Variants in SUPT5H observed in about 807,000 individuals in gnomAD.
SUPT5H encodes transcription elongation factor SPT5.
In SUPT5H, 24 loss-of-function variants were observed where a neutral mutation model predicts 142.5. The observed-to-expected ratio is 0.17, with a 90% confidence interval of 0.12 to 0.24. The LOEUF is 0.24. Among genes scored for constraint, SUPT5H ranks in the 10% least tolerant of loss-of-function variants. The probability of loss-of-function intolerance (pLI) is 1.00; values close to 1 mark genes in which losing one functional copy is unlikely to be tolerated. For synonymous variants in SUPT5H, 546 were observed against 553.0 expected (o/e 0.99, Z 0.18); for missense variants, 893 against 1,471.8 (o/e 0.61, Z 6.43).
chr19:39,472,616 C>A lies in SUPT5H; in HGVS notation c.2035+123C>A. On this transcript the variant is annotated intron_variant, in intron 21 of 29. Transcript: ENST00000432763. This position sits in a 1 kb window ranked among gnomAD's most constrained non-coding sequence, Gnocchi z 4.2. Reference sequence around the variant, plus strand: ...GGCACTGCTATTAGGGGTTCACCACCCACAGGAGGGTAGACGCCACAGTGA... The same window carrying A: ...GGCACTGCTATTAGGGGTTCACCACACACAGGAGGGTAGACGCCACAGTGA... 1 of 1,383,652 alleles carries A rather than the reference C, an allele frequency of 7.2e-7. No individual in the cohort carries two copies. Among genetic ancestry groups the A allele is most frequent in the Non-Finnish European group, 9.9e-7 (1 of 1,011,790 alleles). The allele number at this position is 1,383,652 out of a possible 1,614,324, so 85.7% of individuals were successfully genotyped here.
Position 39,458,099 on chromosome 19 carries a change from G to A in SUPT5H, c.308-195G>A. The A allele has an allele frequency of 1.5e-5, 14 of 939,922 alleles. No homozygotes were observed. The highest frequency in any genetic ancestry group is 2.0e-5 in the Non-Finnish European group (13 of 641,812). The allele number at this position is 939,922 out of a possible 1,614,324, so 58.2% of individuals were successfully genotyped here. ...CCGTTCTGTGCGCCTCATACATTTCGGCTTCTCCCCAACCACCTGGTGCCT... is the reference window on the plus strand; with the variant it reads ...CCGTTCTGTGCGCCTCATACATTTCAGCTTCTCCCCAACCACCTGGTGCCT... On this transcript the variant is annotated intron_variant, in intron 4 of 29. Transcript: ENST00000432763. The surrounding 1 kb of genome is among the most constrained non-coding windows in gnomAD (Gnocchi z 4.2).
At chr19:39,450,912 CATT>C (rs2079013169) in intron 2 of SUPT5H, among the ~76,000 whole-genome samples, 1 of 152,124 alleles carries the variant, frequency 6.6e-6, no homozygotes, top group Non-Finnish European at 1.5e-5. Flanking sequence ...GTCTTAATAA[CATT>C]GTTTTGCTTT....
rs540447671 is a variant in SUPT5H, at chr19:39,473,918, C to T, written c.2493-45C>T. 35 of 1,612,806 alleles carry T rather than the reference C, an allele frequency of 2.2e-5. No homozygotes were observed. The Middle Eastern group carries it at 5.0e-4, about 23-fold the overall frequency. On this transcript the variant is annotated intron_variant, in intron 25 of 29. Coordinates refer to ENST00000432763, the MANE Select transcript of SUPT5H (RefSeq NM_001111020.3). The surrounding 1 kb of genome is among the most constrained non-coding windows in gnomAD (Gnocchi z 5.8). ...AGGGTGCTGTTCTGGAAGCATCCAT[C>T]GCATTATCACCACAGTCGCTGTCAA...
chr19:39,447,680 A>G (rs2078970860), intron 2 of SUPT5H, among the ~76,000 whole-genome samples: 1 of 152,062 alleles, frequency 6.6e-6, no homozygotes, highest in South Asian at 2.1e-4. Flanking sequence ...TGGCCTCCCA[A>G]AGTACTGGGA....
intron 10 of SUPT5H, among the ~76,000 whole-genome samples, chr19:39,460,684 G>A (rs1484420613): frequency 1.3e-5 from 2 of 152,060 alleles, no homozygotes; most frequent in African/African-American, 2.4e-5. Context: ...GCGGTGAGCC[G>A]AGATCGCATC....
chr19:39,475,828 G>A, intron 28 of SUPT5H: 21 of 519,480 alleles, frequency 4.0e-5, no homozygotes, highest in South Asian at 2.0e-4. Context: ...TTTGGGACAT[G>A]AAGAGTCAAG....
At chr19:39,460,173 G>A (rs2146097486) in intron 10 of SUPT5H, 2 of 572,714 alleles carry the variant, frequency 3.5e-6, no homozygotes, top group East Asian at 6.0e-5. Context: ...TTATGGCAGG[G>A]TCTTCCCACC....
chr19:39,466,574 T>C lies in SUPT5H; in HGVS notation c.966+5T>C. 1 of 1,612,608 alleles carries C rather than the reference T, an allele frequency of 6.2e-7. No homozygotes were observed. The highest frequency in any genetic ancestry group is 8.5e-7 in the Non-Finnish European group (1 of 1,179,376). ...ATCAAGGCCCGCATGAGCTTGGTAC[T>C]CAGGGGAATCTGTGGCCTGGGGGGG... On this transcript the variant is annotated splice_donor_5th_base_variant and intron_variant, in intron 12 of 29. Transcript: ENST00000432763. The surrounding 1 kb of genome is among the most constrained non-coding windows in gnomAD (Gnocchi z 4.3).
rs1356199007 is a variant in SUPT5H at position 39,473,647 on chromosome 19, T to A, written c.2492+126T>A. 1.4e-5 allele frequency: 16 copies of A among 1,175,306 alleles called. No individual in the cohort carries two copies. The highest frequency in any genetic ancestry group is 1.6e-5 in the Non-Finnish European group (14 of 849,192). The allele number at this position is 1,175,306 out of a possible 1,614,324, so 72.8% of individuals were successfully genotyped here. On this transcript the variant is annotated intron_variant, in intron 25 of 29. Transcript: ENST00000432763. This position sits in a 1 kb window ranked among gnomAD's most constrained non-coding sequence, Gnocchi z 5.8. ...TTCTCTGCTCCTAGCCTCAGGCTGGTCCCTTTGAAGGAGGAGGCATAGCAT... is the reference window on the plus strand; with the variant it reads ...TTCTCTGCTCCTAGCCTCAGGCTGGACCCTTTGAAGGAGGAGGCATAGCAT...
intron 2 of SUPT5H, among the ~76,000 whole-genome samples, chr19:39,449,705 G>C (rs545038182): frequency 1.3e-5 from 2 of 151,144 alleles, no homozygotes; most frequent in Middle Eastern, 3.4e-3. Flanking sequence ...GCAGTGGCAC[G>C]ATCTCAGCTC....
chr19:39,462,834 A>ATTT, intron 10 of SUPT5H, among the ~76,000 whole-genome samples: 1 of 93,598 alleles, frequency 1.1e-5, no homozygotes, highest in Middle Eastern at 8.9e-3. Flanking sequence ...CCCAGCCTTA[A>ATTT]TTTTCTTTTT....
intron 11 of SUPT5H, among the ~76,000 whole-genome samples, chr19:39,465,313 G>A (rs552355186): frequency 1.2e-4 from 19 of 152,360 alleles, no homozygotes; most frequent in African/African-American, 4.6e-4. Context: ...GGCAGCAGGA[G>A]TGGCCTGTGA....
chr19:39,459,103 A>C, intron 7 of SUPT5H, 30 bp downstream of exon 7: 1 of 1,602,262 alleles, frequency 6.2e-7, no homozygotes. Context: ...AGGTGGGGGC[A>C]GGGAGCAGGT....
chr19:39,446,906 G>T (rs182272123), intron 2 of SUPT5H, among the ~76,000 whole-genome samples: 2 of 152,364 alleles, frequency 1.3e-5, no homozygotes, highest in African/African-American at 4.8e-5. Flanking sequence ...CTACTCGGGA[G>T]GCTGAAGCTG....
At position 39,472,873 on chromosome 19, in the gene SUPT5H, G is replaced by A. The variant is rs2146126412; in HGVS notation, c.2099G>A (p.Arg700Gln). ...GSGGMSRGRGRRDNELIGQTV... is the reference protein window; with the variant it reads ...GSGGMSRGRGQRDNELIGQTV... ...GGTGGCATGAGCAGGGGCCGGGGCC[G>A]GAGGGACAACGAACTCATCGGCCAG... The change falls in exon 22 of 30, where the codon CGG becomes CAG. Residue 700 changes from arginine (R) to glutamine (Q), a missense_variant. Coordinates refer to ENST00000432763, the MANE Select transcript of SUPT5H (RefSeq NM_001111020.3). The surrounding 1 kb of genome is among the most constrained non-coding windows in gnomAD (Gnocchi z 4.2). 1 of 1,613,816 alleles carries A rather than the reference G, an allele frequency of 6.2e-7. No individual in the cohort carries two copies. Among genetic ancestry groups the A allele is most frequent in the Non-Finnish European group, 8.5e-7 (1 of 1,179,860 alleles).
At position 39,469,030 on chromosome 19, in the gene SUPT5H, A is replaced by G. The variant is rs765321755; in HGVS notation, c.1144-49A>G. 1 of 1,609,768 alleles carries G rather than the reference A, an allele frequency of 6.2e-7. No individual in the cohort carries two copies. The highest frequency in any genetic ancestry group is 2.2e-5 in the East Asian group (1 of 44,858). On this transcript the variant is annotated intron_variant, in intron 14 of 29. Coordinates refer to ENST00000432763, the MANE Select transcript of SUPT5H (RefSeq NM_001111020.3). This position sits in a 1 kb window ranked among gnomAD's most constrained non-coding sequence, Gnocchi z 5.1. ...TCAGCCCACTCAGCTGGGCTGTTGC[A>G]CTGACCTCGGTCCATTTCCTTCTCT...
rs2079370116 is a variant in SUPT5H, at chr19:39,474,267, C to T, written c.2685C>T (p.Ala895=). ...CAGACCAGTTCTCTCCCTATGCTGC[C>T]CCCTCCCCACAAGGTTCCTACCAGC... is the stretch of plus-strand genomic sequence containing the variant. ...YNTDQFSPYA[A]PSPQGSYQPS... The change falls in exon 27 of 30, where the codon GCC becomes GCT. Residue 895 remains alanine, a synonymous_variant. Transcript: ENST00000432763. This position sits in a 1 kb window ranked among gnomAD's most constrained non-coding sequence, Gnocchi z 6.5. The T allele has an allele frequency of 6.2e-7, 1 of 1,614,078 alleles. No individual in the cohort carries two copies. Among genetic ancestry groups the T allele is most frequent in the Non-Finnish European group, 8.5e-7 (1 of 1,179,984 alleles).
chr19:39,449,045 G>T (rs1037740201), intron 2 of SUPT5H, among the ~76,000 whole-genome samples: 1 of 122,320 alleles, frequency 8.2e-6, no homozygotes, highest in Non-Finnish European at 1.8e-5. Flanking sequence ...AGCAGAGATC[G>T]CACCATTGCA....
At chr19:39,445,707 G>A in intron 1 of SUPT5H, 70 bp downstream of exon 1, 10 of 663,566 alleles carry the variant, frequency 1.5e-5, no homozygotes, top group African/African-American at 3.6e-5. Flanking sequence ...GGAAACTGGG[G>A]AGGTCTAGCA....
Sources: gnomAD v4.1 joint callset for allele counts (sites outside exome capture counted in the v4.1 genomes callset) on GRCh38, gnomAD v4.1.1 for gene constraint, Gnocchi (gnomAD v3.1) non-coding constraint, MANE v1.5 for transcripts, NCBI Gene and HGNC (gene_info 2026-07-23, HGNC 2026-07-21) for gene names.